Variants in AMZ1 observed in about 807,000 individuals in gnomAD.
The protein encoded by AMZ1 is archaemetzincin-1.
Under a neutral mutation model 29.9 loss-of-function variants are expected in AMZ1, and 39 were observed. The observed-to-expected ratio is 1.30, with a 90% CI of 1.01 to 1.70. The LOEUF (loss-of-function observed/expected upper bound fraction) is 1.70. Among genes scored for constraint, AMZ1 ranks in the 40% most tolerant of loss-of-function variants. The pLI, the probability that AMZ1 is intolerant of heterozygous loss-of-function variation, is 0.00. For missense variants in AMZ1, 1,041 were observed against 680.6 expected (o/e 1.53, Z -5.89); for synonymous variants, 458 against 304.0 (o/e 1.51, Z -5.27).
At chr7:2,694,676 ATTTAT>A (rs1349579722) in intron 1 of AMZ1, among the ~76,000 whole-genome samples, 2 of 91,106 alleles carry the variant, frequency 2.2e-5, no homozygotes, top group Admixed American at 1.2e-4. Flanking sequence ...TATATATTTT[ATTTAT>A]TTTTTTTTTG....
chr7:2,690,939 G>A (rs535364504), intron 1 of AMZ1, among the ~76,000 whole-genome samples: 2 of 152,052 alleles, frequency 1.3e-5, no homozygotes, highest in African/African-American at 4.8e-5. Flanking sequence ...CCAGGAGTTC[G>A]ATACTAGCCT....
At position 2,700,347 on chromosome 7, in the gene AMZ1, G is replaced by C; in HGVS notation, c.-105G>C. The C allele has an allele frequency of 7.3e-6, 10 of 1,361,048 alleles. No individual in the cohort carries two copies. Among genetic ancestry groups the C allele is most frequent in the Non-Finnish European group, 9.9e-6 (10 of 1,013,490 alleles). 84.3% of individuals were successfully genotyped at this position (1,361,048 alleles called of 1,614,324 possible). A position where few individuals can be genotyped will look rare whatever the true frequency, so the allele number is the denominator to read the frequency against. ...TGCAGGGAGCCCCCGGTAGCCACTC[G>C]GATCAGCCCGAGGGAAGATTCTGGA... On this transcript the variant is annotated 5_prime_UTR_variant, in exon 2 of 7. Transcript: ENST00000683327.
At chr7:2,720,361 GAGAA>G (rs1049569465), downstream of AMZ1, among the ~76,000 whole-genome samples, 13 of 152,212 alleles carry the variant, frequency 8.5e-5, no homozygotes, top group African/African-American at 2.9e-4. Context: ...GTGACAAAAA[GAGAA>G]AGACTAGTGT....
intron 4 of AMZ1, among the ~76,000 whole-genome samples, chr7:2,736,031 C>T (rs781778519): frequency 1.8e-4 from 27 of 152,198 alleles, no homozygotes; most frequent in South Asian, 2.1e-4. Flanking sequence ...TGATTGGGCA[C>T]GCAGCCCACG....
chr7:2,685,855 GAAAAA>G (rs10710624), upstream of AMZ1, among the ~76,000 whole-genome samples: 2 of 86,758 alleles, frequency 2.3e-5, no homozygotes, highest in African/African-American at 7.8e-5. Context: ...TCCGTCTCAA[GAAAAA>G]AAAAAAAAAA....
upstream of AMZ1, among the ~76,000 whole-genome samples, chr7:2,685,415 G>T (rs536475437): frequency 1.3e-5 from 2 of 151,378 alleles, no homozygotes; most frequent in Admixed American, 6.6e-5. Flanking sequence ...AAAATTAGCC[G>T]GGCGAGGTGA....
chr7:2,706,709 A>G (rs576711707), intron 3 of AMZ1, among the ~76,000 whole-genome samples: 255 of 152,298 alleles, frequency 1.7e-3, no homozygotes, highest in African/African-American at 6.0e-3. Flanking sequence ...TCATGACCTC[A>G]TCTTAACTGG....
downstream of AMZ1, among the ~76,000 whole-genome samples, chr7:2,724,466 C>T (rs1165365127): frequency 2.0e-5 from 3 of 152,362 alleles, no homozygotes; most frequent in East Asian, 5.8e-4. Flanking sequence ...AAGAGCCCTT[C>T]ATTTTCACCA....
chr7:2,720,127 C>G (rs1000220931), downstream of AMZ1, among the ~76,000 whole-genome samples: 1 of 152,252 alleles, frequency 6.6e-6, no homozygotes, highest in African/African-American at 2.4e-5. Flanking sequence ...GACAGGGCTG[C>G]CACGCACTGC....
rs112203192 is a variant in AMZ1 at position 2,709,838 on chromosome 7, C to T, written c.948+22C>T. On this transcript the variant is annotated intron_variant, in intron 6 of 6. Transcript: ENST00000683327. ...CCAGGTGAGTGGCTGAGTTGCGCTG[C>T]CCGGCTGCTGGGACCTGCGCTCCGG... 5.6e-3 allele frequency: 9,074 copies of T among 1,609,340 alleles called. 432 individuals carry two copies. In the African/African-American group the frequency reaches 0.1, roughly 18 times the overall value.
chr7:2,682,765 C>T (rs1480706589), intron 1 of AMZ1, among the ~76,000 whole-genome samples: 3 of 150,228 alleles, frequency 2.0e-5, no homozygotes, highest in East Asian at 2.0e-4. Context: ...TCCCCAGATG[C>T]GGCCTCATCT....
At chr7:2,719,920 A>G (rs1789346587), downstream of AMZ1, among the ~76,000 whole-genome samples, 1 of 152,046 alleles carries the variant, frequency 6.6e-6, no homozygotes, top group Non-Finnish European at 1.5e-5. Flanking sequence ...TGACCTCGTG[A>G]TCCACCCGCC....
rs1415491092 is a variant in AMZ1, at chr7:2,700,711, G to A, written c.260G>A (p.Arg87Gln). ...ACCTTCCACGCCTCCCTGCAGCACC[G>A]GAAGCCCCGCCTGGCTCGGAAGCAC... ...FQTFHASLQHRKPRLARKHIY... is the reference protein window; with the variant it reads ...FQTFHASLQHQKPRLARKHIY... The change falls in exon 2 of 7, where the codon CGG becomes CAG. Residue 87 changes from arginine (R) to glutamine (Q), a missense_variant. By Grantham distance (43) the Arg-to-Gln change is conservative. Coordinates refer to ENST00000683327, the MANE Select transcript of AMZ1 (RefSeq NM_001384743.1). 5.0e-6 allele frequency: 8 copies of A among 1,613,012 alleles called. No individual in the cohort carries two copies. The highest frequency in any genetic ancestry group is 1.6e-4 in the Middle Eastern group (1 of 6,076).
intron 3 of AMZ1, among the ~76,000 whole-genome samples, chr7:2,704,516 C>A (rs7796159): frequency 0.74 from 109,491 of 148,638 alleles, 40,395 homozygotes; most frequent in South Asian, 0.87. Context: ...ATATTGTGTT[C>A]CTAATTTCAG....
chr7:2,731,071 G>T lies in AMZ1; in HGVS notation n.550+21255G>T. On this transcript the variant is annotated intron_variant and non_coding_transcript_variant, in intron 4 of 4. Transcript: ENST00000489665. The surrounding 1 kb of genome is among the most constrained non-coding windows in gnomAD (Gnocchi z 6.0). ...GCATTCCTGAGCCAGGTATTCCAGGGCACGGATCCGAGAAACCCACTCAAG... is the reference window on the plus strand; with the variant it reads ...GCATTCCTGAGCCAGGTATTCCAGGTCACGGATCCGAGAAACCCACTCAAG... 2 of 698,534 alleles carry T rather than the reference G, an allele frequency of 2.9e-6. No individual in the cohort carries two copies. The highest frequency in any genetic ancestry group is 4.8e-6 in the Non-Finnish European group (2 of 415,668). The allele number at this position is 698,534 out of a possible 1,614,324, so 43.3% of individuals were successfully genotyped here.
rs1198845045 is a variant in AMZ1 at position 2,714,347 on chromosome 7, A to G, written c.*1469A>G. 6.6e-6 allele frequency: 1 copy of G among 152,376 alleles called. No homozygotes were observed. The highest frequency in any genetic ancestry group is 2.4e-5 in the African/African-American group (1 of 41,454). The allele number at this position is 152,376 out of a possible 1,614,324, so 9.4% of individuals were successfully genotyped here. On this transcript the variant is annotated 3_prime_UTR_variant, in exon 7 of 7. Transcript: ENST00000683327. ...GAGGTGGGCTGAGGCTTCCTTGTGA[A>G]TCTGACATTGGTGGAGGCCGACTGA...
intron 4 of AMZ1, among the ~76,000 whole-genome samples, chr7:2,757,084 G>T (rs925819665): frequency 4.7e-5 from 7 of 149,280 alleles, no homozygotes; most frequent in Middle Eastern, 3.5e-3. Flanking sequence ...CAAGGCGGGG[G>T]AAAAAAGGAG....
intron 4 of AMZ1, among the ~76,000 whole-genome samples, chr7:2,726,316 TCAC>T (rs1369902313): frequency 2.0e-5 from 3 of 152,166 alleles, no homozygotes; most frequent in African/African-American, 4.8e-5. Flanking sequence ...AATACAATCC[TCAC>T]CACATTAAAC....
chr7:2,743,990 C>T (rs946976055), intron 4 of AMZ1, among the ~76,000 whole-genome samples: 5 of 152,150 alleles, frequency 3.3e-5, no homozygotes, highest in Admixed American at 2.0e-4. Flanking sequence ...CCACCATTGC[C>T]GAGACTTGAT....
Sources: allele counts gnomAD v4.1 joint callset (sites outside exome capture counted in the v4.1 genomes callset), GRCh38; gene constraint gnomAD v4.1.1; non-coding constraint Gnocchi (gnomAD v3.1); transcripts MANE v1.5; gene names NCBI Gene and HGNC (gene_info 2026-07-23, HGNC 2026-07-21).